The following ACOXL variants were observed in gnomAD, a reference collection of about 807,000 sequenced individuals.
ACOXL encodes acyl-CoA oxidase like.
In ACOXL, 70 loss-of-function variants were observed where a neutral mutation model predicts 71.9. The observed-to-expected ratio is 0.97, with a 90% CI of 0.80 to 1.19. The LOEUF (loss-of-function observed/expected upper bound fraction) is 1.19, where lower values mean the gene tolerates loss of function less well. Ranked by LOEUF, ACOXL falls within the 50% of genes most tolerant of loss-of-function variation. The probability of loss-of-function intolerance (pLI) is 0.00; values close to 1 mark genes in which losing one functional copy is unlikely to be tolerated. For synonymous variants in ACOXL, 253 were observed against 281.6 expected, an observed-to-expected ratio of 0.90 and a Z score of 1.02; for missense variants, 703 against 736.3, an observed-to-expected ratio of 0.95 and a Z score of 0.52.
chr2:110,871,467 T>C (rs1311728473), intron 10 of ACOXL, among the ~76,000 whole-genome samples: 1 of 151,792 alleles, frequency 6.6e-6, no homozygotes, highest in Admixed American at 6.6e-5. Context: ...CACTTAAAAC[T>C]GAGAGAGGTA....
chr2:111,067,939 G>A (rs1261186105), intron 16 of ACOXL, among the ~76,000 whole-genome samples: 1 of 152,162 alleles, frequency 6.6e-6, no homozygotes, highest in African/African-American at 2.4e-5. Context: ...CCAGATGGAG[G>A]TGGGAGAGGG....
At chr2:111,100,700 T>A (rs2069088936) in intron 17 of ACOXL, 1 of 152,972 alleles carries the variant, frequency 6.5e-6, no homozygotes, top group South Asian at 2.1e-4. Context: ...AAGCCCAGAT[T>A]CACCAGCACA....
At chr2:110,985,418 C>T (rs572159762) in intron 12 of ACOXL, among the ~76,000 whole-genome samples, 16 of 152,118 alleles carry the variant, frequency 1.1e-4, no homozygotes, top group African/African-American at 2.9e-4. Context: ...TATCTAGAGA[C>T]GTAATTGCAA....
chr2:110,840,254 A>G (rs1367906688), intron 9 of ACOXL, among the ~76,000 whole-genome samples: 2 of 152,168 alleles, frequency 1.3e-5, no homozygotes, highest in African/African-American at 4.8e-5. Context: ...TTACATAGGC[A>G]TGTTTGACCT....
At chr2:110,771,920 G>A (rs769766986) in intron 2 of ACOXL, among the ~76,000 whole-genome samples, 3 of 152,172 alleles carry the variant, frequency 2.0e-5, no homozygotes, top group Non-Finnish European at 2.9e-5. Flanking sequence ...GTCTTGTCCT[G>A]CATGGGGGAC....
At chr2:110,818,419 A>ATGTGTGTGTGTGTGTGTG (rs1485183767) in intron 9 of ACOXL, among the ~76,000 whole-genome samples, 3 of 141,740 alleles carry the variant, frequency 2.1e-5, no homozygotes, top group African/African-American at 8.1e-5. Context: ...ACATATATAT[A>ATGTGTGTGTGTGTGTGTG]TATATGTGTG....
intron 15 of ACOXL, among the ~76,000 whole-genome samples, chr2:111,047,597 G>T (rs554735611): frequency 2.7e-4 from 41 of 152,306 alleles, no homozygotes; most frequent in African/African-American, 9.6e-4. Context: ...TGCCTCCAGG[G>T]TCTTTCCCAG....
chr2:110,899,393 C>G (rs2059139321), intron 10 of ACOXL, among the ~76,000 whole-genome samples: 1 of 152,182 alleles, frequency 6.6e-6, no homozygotes. Flanking sequence ...GGTGGTCAGA[C>G]TTGCTACCTC....
chr2:110,768,046 C>T (rs1049903819), intron 1 of ACOXL, among the ~76,000 whole-genome samples: 2 of 151,950 alleles, frequency 1.3e-5, no homozygotes, highest in East Asian at 3.9e-4. Context: ...GCAGGAGAAT[C>T]GCTTGAACCC....
chr2:110,853,047 G>T (rs1692809209), intron 10 of ACOXL, among the ~76,000 whole-genome samples: 2 of 152,170 alleles, frequency 1.3e-5, no homozygotes, highest in South Asian at 4.1e-4. Flanking sequence ...AAGCTTCTTT[G>T]TCTGCATCCC....
intron 11 of ACOXL, among the ~76,000 whole-genome samples, chr2:110,917,311 T>G (rs1282852024): frequency 6.6e-6 from 1 of 152,194 alleles, no homozygotes; most frequent in African/African-American, 2.4e-5. Context: ...ACCACATGAT[T>G]ATCTCAATAG....
intron 9 of ACOXL, among the ~76,000 whole-genome samples, chr2:110,840,875 T>C (rs1334705085): frequency 6.6e-6 from 1 of 152,206 alleles, no homozygotes; most frequent in African/African-American, 2.4e-5. Context: ...ATGATCCGCA[T>C]AGGGAGACTC....
chr2:110,768,550 C>T, intron 2 of ACOXL, 86 bp downstream of exon 2: 2 of 1,251,398 alleles, frequency 1.6e-6, no homozygotes, highest in Non-Finnish European at 1.1e-6. Flanking sequence ...TTTTTTCTCT[C>T]CAGCTTTTAT....
rs759410867 is a variant in ACOXL, at chr2:110,768,424, C to T, written c.35C>T (p.Ala12Val). 5 of 1,613,506 alleles carry T rather than the reference C, an allele frequency of 3.1e-6. No individual in the cohort carries two copies. Among genetic ancestry groups the T allele is most frequent in the Non-Finnish European group, 4.2e-6 (5 of 1,179,890 alleles). The stretch of plus-strand genomic sequence containing the variant: ...TTGACAGTTCAGAGAGTGAAGTTTG[C>T]CATGGACCTGCCTCTGTTAAAACGT... Reference protein sequence around the residue: ...RALTVQRVKFAMDLPLLKRAG... With the variant: ...RALTVQRVKFVMDLPLLKRAG... The change falls in exon 2 of 18, where the codon GCC becomes GTC. Residue 12 changes from alanine (A) to valine (V), a missense_variant. Coordinates refer to ENST00000439055, the MANE Select transcript of ACOXL (RefSeq NM_001142807.4).
chr2:110,904,486 G>A (rs1035314367), intron 10 of ACOXL, among the ~76,000 whole-genome samples: 1 of 152,188 alleles, frequency 6.6e-6, no homozygotes, highest in Non-Finnish European at 1.5e-5. Context: ...GGCCAGGCTG[G>A]GGCACCAGAA....
Position 110,933,532 on chromosome 2 carries a change from G to A in ACOXL, c.949G>A (p.Glu317Lys). The change falls in exon 12 of 18, where the codon GAG (glutamate) becomes AAG (lysine). Residue 317 changes from glutamate (E) to lysine (K), a missense_variant. Transcript: ENST00000439055. ...GGATGAGGATGTCTTCCAGGGAAAGGAGCTGGTCAACAGTCGCTCGCTGCA... is the reference window on the plus strand; with the variant it reads ...GGATGAGGATGTCTTCCAGGGAAAGAAGCTGGTCAACAGTCGCTCGCTGCA... ...LLDEDVFQGK[E>K]LVNSRSLQAL... 6.2e-7 allele frequency: 1 copy of A among 1,614,218 alleles called. No individual in the cohort carries two copies. The highest frequency in any genetic ancestry group is 8.5e-7 in the Non-Finnish European group (1 of 1,180,032).
At position 110,884,756 on chromosome 2, in the gene ACOXL, A is replaced by G. The variant is rs578214293; in HGVS notation, c.789-24033A>G. ...CAATATCTAATTGAATCCCCATGCC[A>G]TAATGACAGATTTGGAGTTAGGTTC... On this transcript the variant is annotated intron_variant, in intron 10 of 17. Coordinates refer to ENST00000439055, the MANE Select transcript of ACOXL (RefSeq NM_001142807.4). Among the ~76,000 whole-genome samples the G allele has an allele frequency of 2.0e-3, 310 of 152,326 alleles. 2 individuals carry two copies. The highest frequency in any genetic ancestry group is 7.3e-3 in the African/African-American group (304 of 41,570).
chr2:111,001,426 C>T (rs1016757944), intron 14 of ACOXL, among the ~76,000 whole-genome samples: 5 of 121,890 alleles, frequency 4.1e-5, no homozygotes, highest in Non-Finnish European at 9.4e-5. Flanking sequence ...AAAACCCTAG[C>T]TATAAACAAG....
In ACOXL at chr2:110,798,742, A is replaced by G. The variant is rs760345969; in HGVS notation, c.460+18A>G. ...ATCTCAAGGTTTGTTACCAATACAGACAACTAGAATAATTCTCTTCATTAG... is the reference window on the plus strand; with the variant it reads ...ATCTCAAGGTTTGTTACCAATACAGGCAACTAGAATAATTCTCTTCATTAG... On this transcript the variant is annotated intron_variant, in intron 6 of 17. Coordinates refer to ENST00000439055, the MANE Select transcript of ACOXL (RefSeq NM_001142807.4). The G allele has an allele frequency of 6.3e-7, 1 of 1,599,614 alleles. No individual in the cohort carries two copies. The highest frequency in any genetic ancestry group is 8.6e-7 in the Non-Finnish European group (1 of 1,166,896).
Sources: allele counts gnomAD v4.1 joint callset (sites outside exome capture counted in the v4.1 genomes callset), GRCh38; gene constraint gnomAD v4.1.1; transcripts MANE v1.5; gene names NCBI Gene and HGNC (gene_info 2026-07-23, HGNC 2026-07-21).